PRKN: variants seen among roughly 807,000 people sequenced by gnomAD.
PRKN encodes E3 ubiquitin-protein ligase parkin.
PRKN carries 56 observed loss-of-function variants against 59.5 expected under a neutral mutation model. The ratio of observed to expected loss-of-function variants is 0.94; its 90% CI spans 0.76 to 1.18. The LOEUF is 1.18. Ranked by LOEUF, PRKN falls within the 50% of genes most tolerant of loss-of-function variation. The pLI, the probability that PRKN is intolerant of heterozygous loss-of-function variation, is 0.00. For synonymous variants in PRKN, 250 were observed against 222.1 expected, an observed-to-expected ratio of 1.13 and a Z score of -1.12; for missense variants, 657 against 596.4, an observed-to-expected ratio of 1.10 and a Z score of -1.06.
At chr6:162,660,704 C>A (rs535053038) in intron 1 of PRKN, among the ~76,000 whole-genome samples, 1 of 152,172 alleles carries the variant, frequency 6.6e-6, no homozygotes, top group South Asian at 2.1e-4. Context: ...AGATTCGGTA[C>A]CTAAGACATT....
At chr6:161,669,057 A>T (rs1784819615) in intron 7 of PRKN, among the ~76,000 whole-genome samples, 1 of 152,174 alleles carries the variant, frequency 6.6e-6, no homozygotes, top group Non-Finnish European at 1.5e-5. Context: ...TGGAGCCCTC[A>T]TCAATGGGAT....
intron 1 of PRKN, among the ~76,000 whole-genome samples, chr6:162,521,458 C>T (rs983615198): frequency 6.6e-6 from 1 of 152,146 alleles, no homozygotes; most frequent in Admixed American, 6.5e-5. Flanking sequence ...ATTCAAACTA[C>T]TGTGAAAACT....
At chr6:162,333,228 CTTTT>C (rs200926335) in intron 2 of PRKN, among the ~76,000 whole-genome samples, 6 of 137,964 alleles carry the variant, frequency 4.3e-5, no homozygotes, top group Non-Finnish European at 9.4e-5. Flanking sequence ...ACATTAAAAT[CTTTT>C]TTTTTTTTTT....
chr6:161,887,210 G>A (rs1366928124), intron 6 of PRKN, among the ~76,000 whole-genome samples: 1 of 152,148 alleles, frequency 6.6e-6, no homozygotes, highest in Non-Finnish European at 1.5e-5. Flanking sequence ...TAGCACTGAT[G>A]GAGTAACTAT....
chr6:162,620,427 ACT>A (rs34384609), intron 1 of PRKN, among the ~76,000 whole-genome samples: 41,840 of 151,998 alleles, frequency 0.28, 6,674 homozygotes, highest in East Asian at 0.77. Flanking sequence ...AAAAATTAAA[ACT>A]CAACATAAGC....
chr6:161,830,351 A>C (rs937799040), intron 6 of PRKN, among the ~76,000 whole-genome samples: 2 of 150,904 alleles, frequency 1.3e-5, no homozygotes, highest in African/African-American at 4.9e-5. Context: ...TCCTGGGTTC[A>C]CGCCATTCTC....
rs1040802653 is a variant in PRKN, at chr6:161,475,911, T to G, written c.1083+72943A>C. 1.6e-4 allele frequency among the ~76,000 whole-genome samples: 25 copies of G among 152,038 alleles called. No homozygotes were observed. The highest frequency in any genetic ancestry group is 8.3e-4 in the South Asian group (4 of 4,822). ...AAAAATATTATTCAAGATAGGCTGGTCGCGGTGGCTCACGCCTGTAATCCC... is the reference window on the plus strand; with the variant it reads ...AAAAATATTATTCAAGATAGGCTGGGCGCGGTGGCTCACGCCTGTAATCCC... On this transcript the variant is annotated intron_variant, in intron 9 of 11. Coordinates refer to ENST00000366898, the MANE Select transcript of PRKN (RefSeq NM_004562.3). This position sits in a 1 kb window ranked among gnomAD's most constrained non-coding sequence, Gnocchi z 5.3.
At chr6:161,694,422 G>T (rs10945769) in intron 7 of PRKN, among the ~76,000 whole-genome samples, 17,894 of 151,234 alleles carry the variant, frequency 0.12, 1,479 homozygotes, top group South Asian at 0.3. Context: ...ACCCTTTGGG[G>T]TTTTTTTTTA....
At chr6:162,520,162 A>C (rs1778029619) in intron 1 of PRKN, among the ~76,000 whole-genome samples, 1 of 152,166 alleles carries the variant, frequency 6.6e-6, no homozygotes, top group Admixed American at 6.5e-5. Context: ...CAGTTAATGA[A>C]AGCCACTGAT....
intron 4 of PRKN, among the ~76,000 whole-genome samples, chr6:162,073,187 G>A (rs112062963): frequency 2.4e-4 from 36 of 152,150 alleles, no homozygotes; most frequent in African/African-American, 6.5e-4. Flanking sequence ...TCTTGAAACC[G>A]TCTGATAGGA....
At chr6:161,954,788 C>T (rs1465732689) in intron 6 of PRKN, among the ~76,000 whole-genome samples, 1 of 152,156 alleles carries the variant, frequency 6.6e-6, no homozygotes, top group Admixed American at 6.5e-5. Flanking sequence ...TTCAGAATTG[C>T]TTTATCTCTG....
At chr6:162,492,206 G>A (rs6907418) in intron 1 of PRKN, among the ~76,000 whole-genome samples, 34,493 of 152,128 alleles carry the variant, frequency 0.23, 4,803 homozygotes, top group African/African-American at 0.38. Flanking sequence ...ATAAAAGATT[G>A]GCCTGTAAGG....
In PRKN at chr6:162,069,008, G is replaced by A. The variant is rs147705792; in HGVS notation, c.535-14834C>T. ...TAAACACATGTTTCAGTTTAGGTAC[G>A]TGAATATTTGAACACTTCCTTGGAG... On this transcript the variant is annotated intron_variant, in intron 4 of 11. Coordinates refer to ENST00000366898, the MANE Select transcript of PRKN (RefSeq NM_004562.3). Among the ~76,000 whole-genome samples, 101 of 152,238 alleles carry A rather than the reference G, an allele frequency of 6.6e-4. 1 individual carries two copies. The East Asian group carries it at 0.015, about 23-fold the overall frequency.
chr6:162,182,940 C>T (rs765463815), intron 4 of PRKN, among the ~76,000 whole-genome samples: 1 of 152,054 alleles, frequency 6.6e-6, no homozygotes, highest in Non-Finnish European at 1.5e-5. Flanking sequence ...TTCTAAAATG[C>T]ATTATTATTG....
rs550355299 is a variant in PRKN at position 161,734,072 on chromosome 6, A to G, written c.871+51700T>C. 1.3e-3 allele frequency among the ~76,000 whole-genome samples: 202 copies of G among 151,840 alleles called. 2 individuals are homozygous for G. In the South Asian group the frequency reaches 0.014, roughly 11 times the overall value. The stretch of plus-strand genomic sequence containing the variant: ...TGTATCATAAGGAAAGTTTCCCTAA[A>G]GTTCATCTGGATGTGGTTTTACATC... On this transcript the variant is annotated intron_variant, in intron 7 of 11. Transcript: ENST00000366898.
chr6:162,575,099 G>A (rs1035958929), intron 1 of PRKN, among the ~76,000 whole-genome samples: 7 of 152,024 alleles, frequency 4.6e-5, no homozygotes, highest in African/African-American at 1.4e-4. Context: ...TGGCTACTAG[G>A]TCTCCTCTCC....
In PRKN at chr6:162,286,312, C is replaced by T. The variant is rs564934100; in HGVS notation, c.172-23547G>A. Among the ~76,000 whole-genome samples, 5 of 152,162 alleles carry T rather than the reference C, an allele frequency of 3.3e-5. No homozygotes were observed. In the East Asian group the frequency reaches 9.7e-4, roughly 29 times the overall value. On this transcript the variant is annotated intron_variant, in intron 2 of 11. Transcript: ENST00000366898. ...TGTGTTTGTTTGTTTGTTTGTTTTT[C>T]CTAAATCTTTATAGCCGTGAGCCTT...
rs1780668562 is a variant in PRKN, at chr6:162,116,266, CTT to C, written c.535-62094_535-62093del. Among the ~76,000 whole-genome samples the C allele has an allele frequency of 2.6e-5, 4 of 152,276 alleles. No homozygotes were observed. The South Asian group carries it at 8.3e-4, about 32-fold the overall frequency. On this transcript the variant is annotated intron_variant, in intron 4 of 11. Transcript: ENST00000366898. ...CACATAAGGATCTTGTACAAGGTGA[CTT>C]ATTTAACTGACTCCACAGAAAAGTC... is the stretch of plus-strand genomic sequence containing the variant.
chr6:162,073,434 G>A (rs892727662), intron 4 of PRKN, among the ~76,000 whole-genome samples: 1 of 152,030 alleles, frequency 6.6e-6, no homozygotes, highest in Non-Finnish European at 1.5e-5. Context: ...TATAGCTTTG[G>A]GTTTTTTTGT....
Sources: gnomAD v4.1 joint callset for allele counts (sites outside exome capture counted in the v4.1 genomes callset) on GRCh38, gnomAD v4.1.1 for gene constraint, Gnocchi (gnomAD v3.1) non-coding constraint, MANE v1.5 for transcripts, NCBI Gene and HGNC (gene_info 2026-07-23, HGNC 2026-07-21) for gene names.